Variants in EEA1 observed in about 807,000 individuals in gnomAD.
The protein encoded by EEA1 is early endosome antigen 1, also known as early endosome antigen 1, 162kD.
Under a neutral mutation model 209.2 loss-of-function variants are expected in EEA1, and 111 were observed. The observed-to-expected ratio is 0.53, with a 90% CI of 0.45 to 0.62. EEA1 has a LOEUF of 0.62. EEA1 is among the 20% of genes least tolerant of loss of function. The probability of loss-of-function intolerance (pLI) is 0.00; values close to 1 mark genes in which losing one functional copy is unlikely to be tolerated. For synonymous variants in EEA1, 536 were observed against 540.6 expected, an observed-to-expected ratio of 0.99 and a Z score of 0.12; for missense variants, 1,343 against 1,530.8, an observed-to-expected ratio of 0.88 and a Z score of 2.05.
At chr12:92,850,991 TGAAA>T (rs1163680245) in intron 9 of EEA1, 116 bp downstream of exon 9, 9 of 956,786 alleles carry the variant, frequency 9.4e-6, no homozygotes, top group Non-Finnish European at 1.3e-5. Flanking sequence ...AGATCAAAAA[TGAAA>T]GAAAGACAAA....
intron 9 of EEA1, among the ~76,000 whole-genome samples, chr12:92,848,774 C>G (rs1877489302): frequency 7.2e-6 from 1 of 139,628 alleles, no homozygotes; most frequent in African/African-American, 2.6e-5. Context: ...CCTCTATCGC[C>G]CAGGCTAGAG....
chr12:92,845,574 G>C (rs1371378908), intron 9 of EEA1, among the ~76,000 whole-genome samples: 1 of 152,090 alleles, frequency 6.6e-6, no homozygotes, highest in East Asian at 1.9e-4. Flanking sequence ...TCTGACTCTT[G>C]CTTATTTCAT....
In EEA1 at chr12:92,782,031, A is replaced by G. The variant is rs1873929592; in HGVS notation, c.3255T>C (p.Ala1085=). The G allele has an allele frequency of 6.2e-7, 1 of 1,613,112 alleles. No homozygotes were observed. The highest frequency in any genetic ancestry group is 8.5e-7 in the Non-Finnish European group (1 of 1,179,458). Residue 1085 remains alanine, a synonymous_variant, in exon 23 of 29, where the codon GCT becomes GCC. Transcript: ENST00000322349. ...KLIQELKTAK[A]TLEQDSAKKE... is the part of the protein sequence containing the mutation. ...TCTTTGCTGAATCCTGCTCCAATGT[A>G]GCCTTGGCAGTCTTCAGTTCTTGAA...
chr12:92,777,913 T>C (rs755679519), intron 26 of EEA1, 28 bp downstream of exon 26: 3 of 1,579,672 alleles, frequency 1.9e-6, no homozygotes, highest in South Asian at 1.1e-5. Context: ...ACAATGGAAA[T>C]AAACTAATTT....
At chr12:92,815,959 G>A (rs1875762212) in intron 15 of EEA1, among the ~76,000 whole-genome samples, 1 of 151,448 alleles carries the variant, frequency 6.6e-6, no homozygotes, top group African/African-American at 2.4e-5. Flanking sequence ...GAGAGAGAGG[G>A]AGAGGAGAAA....
intron 9 of EEA1, 99 bp from the exon 10 acceptor site, chr12:92,842,680 G>A (rs570142433): frequency 1.3e-6 from 1 of 741,534 alleles, no homozygotes; most frequent in Non-Finnish European, 2.2e-6. Context: ...CAAATTTTTT[G>A]TTGTTGGAAT....
chr12:92,874,711 CTT>C (rs1188871530), intron 2 of EEA1, among the ~76,000 whole-genome samples: 1 of 152,204 alleles, frequency 6.6e-6, no homozygotes, highest in Non-Finnish European at 1.5e-5. Context: ...TCACTTTACT[CTT>C]GTTTTTCACT....
intron 1 of EEA1, among the ~76,000 whole-genome samples, chr12:92,921,869 A>G (rs1424359722): frequency 7.0e-6 from 1 of 142,896 alleles, no homozygotes; most frequent in Non-Finnish European, 1.5e-5. Context: ...TCTGTCTCAA[A>G]AAAAAAAAAA....
chr12:92,886,691 G>A (rs1879421333), intron 2 of EEA1, among the ~76,000 whole-genome samples: 1 of 149,888 alleles, frequency 6.7e-6, no homozygotes, highest in Non-Finnish European at 1.5e-5. Context: ...AAGGAAAGAA[G>A]GAAGGAAGGA....
At chr12:92,776,636 GAAGAC>G (rs1200650989) in intron 28 of EEA1, among the ~76,000 whole-genome samples, 3 of 151,838 alleles carry the variant, frequency 2.0e-5, no homozygotes, top group African/African-American at 7.2e-5. Flanking sequence ...AACTAAGTTG[GAAGAC>G]AAGGACTGAA....
intron 10 of EEA1, among the ~76,000 whole-genome samples, chr12:92,834,523 C>A (rs1221974941): frequency 2.9e-5 from 3 of 102,006 alleles, no homozygotes; most frequent in Admixed American, 1.5e-4. Flanking sequence ...CCAGCCTGGG[C>A]AACAAGGGCA....
chr12:92,803,986 T>G (rs1157899763), intron 18 of EEA1, among the ~76,000 whole-genome samples: 2 of 150,782 alleles, frequency 1.3e-5, no homozygotes, highest in East Asian at 3.9e-4. Flanking sequence ...ACACTTCTTG[T>G]TTTTTTTTAA....
chr12:92,885,643 A>T (rs1879348047), intron 2 of EEA1, among the ~76,000 whole-genome samples: 1 of 152,296 alleles, frequency 6.6e-6, no homozygotes, highest in East Asian at 1.9e-4. Flanking sequence ...AATGTTCCCC[A>T]GTTAACGGCA....
At chr12:92,809,387 G>A (rs892213179) in intron 17 of EEA1, among the ~76,000 whole-genome samples, 1 of 151,652 alleles carries the variant, frequency 6.6e-6, no homozygotes, top group African/African-American at 2.4e-5. Flanking sequence ...AAGTGTTGGT[G>A]TTTAAAATTA....
At chr12:92,889,611 G>A (rs1410474460) in intron 2 of EEA1, among the ~76,000 whole-genome samples, 2 of 150,602 alleles carry the variant, frequency 1.3e-5, no homozygotes, top group African/African-American at 4.9e-5. Context: ...TGAAAAGAAA[G>A]ATAAAGTCCG....
intron 21 of EEA1, among the ~76,000 whole-genome samples, chr12:92,796,374 T>C (rs907139150): frequency 7.9e-5 from 12 of 152,086 alleles, no homozygotes; most frequent in Non-Finnish European, 1.8e-4. Flanking sequence ...TTAGGTAACA[T>C]AGCATTAACA....
chr12:92,904,912 T>C (rs1207748875), intron 1 of EEA1, among the ~76,000 whole-genome samples: 1 of 152,170 alleles, frequency 6.6e-6, no homozygotes, highest in Non-Finnish European at 1.5e-5. Flanking sequence ...AGAGGTTCCA[T>C]TATGTAAGCA....
chr12:92,845,091 C>T (rs1433470865), intron 9 of EEA1, among the ~76,000 whole-genome samples: 2 of 151,972 alleles, frequency 1.3e-5, no homozygotes, highest in African/African-American at 2.4e-5. Context: ...AGGTTAACAA[C>T]TAAAAAACTG....
intron 2 of EEA1, among the ~76,000 whole-genome samples, chr12:92,875,307 G>A (rs533007987): frequency 6.6e-5 from 10 of 152,192 alleles, no homozygotes; most frequent in African/African-American, 2.2e-4. Flanking sequence ...ATGGTGGCAC[G>A]CGCCTGTGGT....
Sources: allele counts gnomAD v4.1 joint callset (sites outside exome capture counted in the v4.1 genomes callset), GRCh38; gene constraint gnomAD v4.1.1; transcripts MANE v1.5; gene names NCBI Gene and HGNC (gene_info 2026-07-23, HGNC 2026-07-21).